Variants in D2HGDH observed in about 807,000 individuals in gnomAD.
D2HGDH encodes the protein D-2-hydroxyglutarate dehydrogenase.
Under a neutral mutation model 46.9 loss-of-function variants are expected in D2HGDH, and 31 were observed. The observed-to-expected ratio is 0.66, with a 90% CI of 0.50 to 0.89. The LOEUF (loss-of-function observed/expected upper bound fraction) is 0.89, where lower values mean the gene tolerates loss of function less well. D2HGDH is among the 40% of genes least tolerant of loss of function. The pLI, the probability that D2HGDH is intolerant of heterozygous loss-of-function variation, is 0.00. For synonymous variants in D2HGDH, 364 were observed against 332.6 expected, an observed-to-expected ratio of 1.09 and a Z score of -1.03; for missense variants, 698 against 720.8, an observed-to-expected ratio of 0.97 and a Z score of 0.36.
chr2:241,750,610 C>T (rs563206494), intron 7 of D2HGDH, among the ~76,000 whole-genome samples: 1 of 152,202 alleles, frequency 6.6e-6, no homozygotes, highest in South Asian at 2.1e-4. Flanking sequence ...TCCATTTCTT[C>T]TTTTCTTTGT....
chr2:241,764,601 G>T (rs1699116052), intron 9 of D2HGDH, among the ~76,000 whole-genome samples: 1 of 152,252 alleles, frequency 6.6e-6, no homozygotes, highest in Non-Finnish European at 1.5e-5. Flanking sequence ...GAGGGGCCTT[G>T]CCCTTGTCAG....
intron 8 of D2HGDH, chr2:241,755,335 G>A (rs950425474): frequency 1.5e-6 from 2 of 1,303,286 alleles, no homozygotes; most frequent in South Asian, 1.2e-5. Context: ...GGGCCCTGCT[G>A]TTGTCCCCAC....
At chr2:241,750,015 G>A in intron 6 of D2HGDH, 136 bp from the exon 7 acceptor site, 1 of 1,305,716 alleles carries the variant, frequency 7.7e-7, no homozygotes, top group Non-Finnish European at 1.1e-6. Flanking sequence ...TTGTTGCAGT[G>A]CCAGTCCTCG....
chr2:241,755,450 T>A, intron 8 of D2HGDH: 5 of 1,313,260 alleles, frequency 3.8e-6, no homozygotes, highest in Non-Finnish European at 5.0e-6. Context: ...CTTGCCACTC[T>A]GTGCCGTGTC....
intron 9 of D2HGDH, among the ~76,000 whole-genome samples, chr2:241,756,941 C>A (rs1406413307): frequency 6.6e-6 from 1 of 152,166 alleles, no homozygotes; most frequent in Non-Finnish European, 1.5e-5. Context: ...CAGATATTCA[C>A]TCTGGCTTCT....
intron 8 of D2HGDH, among the ~76,000 whole-genome samples, chr2:241,753,682 C>T (rs1181615925): frequency 3.3e-5 from 5 of 152,246 alleles, no homozygotes; most frequent in Admixed American, 3.3e-4. Context: ...CCACACTGGT[C>T]GCACCAGATG....
At chr2:241,750,418 G>T (rs71430381) in intron 7 of D2HGDH, 124 bp downstream of exon 7, 1 of 1,150,610 alleles carries the variant, frequency 8.7e-7, no homozygotes, top group South Asian at 1.4e-5. Context: ...GGGGGTCCCT[G>T]GGCGGAGCAT....
chr2:241,751,688 C>T lies in D2HGDH; in HGVS notation c.1140+300C>T, dbSNP rs145960842. Among the ~76,000 whole-genome samples the T allele has an allele frequency of 9.4e-3, 1,430 of 152,364 alleles. 24 individuals carry two copies. The highest frequency in any genetic ancestry group is 0.032 in the African/African-American group (1,350 of 41,588). ...TGGTCCCCTGCAGCCTGTGGTTAAGCGGCCAGTCAGCGGCAGCTCCGCATA... is the reference window on the plus strand; with the variant it reads ...TGGTCCCCTGCAGCCTGTGGTTAAGTGGCCAGTCAGCGGCAGCTCCGCATA... On this transcript the variant is annotated intron_variant, in intron 8 of 9. Transcript: ENST00000321264.
chr2:241,735,187 C>G lies in D2HGDH; in HGVS notation c.-38C>G, dbSNP rs554998453. Reference sequence around the variant, plus strand: ...CCTCCGGGCCCTGAGTACCGGCCCCCCACCAAGGAGGAGCCCGAGGTCTCC... The same window carrying G: ...CCTCCGGGCCCTGAGTACCGGCCCCGCACCAAGGAGGAGCCCGAGGTCTCC... On this transcript the variant is annotated 5_prime_UTR_variant, in exon 2 of 10. Coordinates refer to ENST00000321264, the MANE Select transcript of D2HGDH (RefSeq NM_152783.5). 18 of 1,492,454 alleles carry G rather than the reference C, an allele frequency of 1.2e-5. No individual in the cohort carries two copies. Among genetic ancestry groups the G allele is most frequent in the South Asian group, 1.1e-4 (9 of 78,738 alleles). 92.5% of individuals were successfully genotyped at this position (1,492,454 alleles called of 1,614,324 possible). A position where few individuals can be genotyped will look rare whatever the true frequency, so the allele number is the denominator to read the frequency against.
At chr2:241,762,456 A>T (rs1698916291) in intron 9 of D2HGDH, among the ~76,000 whole-genome samples, 1 of 152,086 alleles carries the variant, frequency 6.6e-6, no homozygotes, top group South Asian at 2.1e-4. Context: ...AGTCGGCCAG[A>T]TGAGTGTTTG....
At chr2:241,750,393 C>CGGGGGGGGGGGGGGGGGGGGGG in intron 7 of D2HGDH, 99 bp downstream of exon 7, 2 of 489,040 alleles carry the variant, frequency 4.1e-6, no homozygotes, top group East Asian at 7.5e-5. Context: ...CGGGGGGTGC[C>CGGGGGGGGGGGGGGGGGGGGGG]CGGGCGGGCG....
chr2:241,737,586 G>A (rs532708515), intron 2 of D2HGDH, among the ~76,000 whole-genome samples: 6 of 152,078 alleles, frequency 3.9e-5, no homozygotes, highest in African/African-American at 1.4e-4. Context: ...ACTTCCTGGG[G>A]TCAAGCGATT....
At chr2:241,749,618 C>T (rs549472737) in intron 6 of D2HGDH, 7 of 317,966 alleles carry the variant, frequency 2.2e-5, no homozygotes, top group Non-Finnish European at 1.8e-5. Flanking sequence ...GAAATGCAGC[C>T]ATTCCCAAAG....
In D2HGDH at chr2:241,750,291, C is replaced by G. The variant is rs143405918; in HGVS notation, c.994C>G (p.Gln332Glu). The G allele has an allele frequency of 6.2e-7, 1 of 1,609,256 alleles. No homozygotes were observed. The highest frequency in any genetic ancestry group is 1.3e-5 in the African/African-American group (1 of 74,718). ...GRHLHLASPV[Q>E]ESPFYVLIET... ...CCATCTCCACCTGGCCAGCCCGGTG[C>G]AAGGTACTGACCCCCCACACAGGGG... The change falls in exon 7 of 10, where the codon CAA becomes GAA. Residue 332 changes from glutamine to glutamate, a missense_variant. Coordinates refer to ENST00000321264, the MANE Select transcript of D2HGDH (RefSeq NM_152783.5).
intron 6 of D2HGDH, chr2:241,749,859 C>T (rs1696822906): frequency 2.1e-6 from 1 of 468,210 alleles, no homozygotes; most frequent in Admixed American, 3.1e-5. Context: ...TGCCCTGCCC[C>T]TCCTGATCTG....
In D2HGDH at chr2:241,750,162, T is replaced by G; in HGVS notation, c.865T>G (p.Phe289Val). Residue 289 changes from phenylalanine (F) to valine (V), a missense_variant, in exon 7 of 10, where the codon TTT becomes GTT. Transcript: ENST00000321264. Reference sequence around the variant, plus strand: ...GTGACCCGTTTCAGGCTGCCCAGGCTTTGCTGAGGTTCTGCAGACCTTCAG... The same window carrying G: ...GTGACCCGTTTCAGGCTGCCCAGGCGTTGCTGAGGTTCTGCAGACCTTCAG... ...VNVAFLGCPG[F>V]AEVLQTFSTC... The G allele has an allele frequency of 6.2e-7, 1 of 1,614,040 alleles. No individual in the cohort carries two copies. Among genetic ancestry groups the G allele is most frequent in the Non-Finnish European group, 8.5e-7 (1 of 1,180,004 alleles).
At chr2:241,748,559 C>G (rs1346616176) in intron 6 of D2HGDH, among the ~76,000 whole-genome samples, 1 of 152,250 alleles carries the variant, frequency 6.6e-6, no homozygotes, top group Non-Finnish European at 1.5e-5. Flanking sequence ...TTGCCCGCTT[C>G]ACTGGTGCCC....
chr2:241,739,260 G>T (rs1175491424), intron 2 of D2HGDH, among the ~76,000 whole-genome samples: 2 of 152,182 alleles, frequency 1.3e-5, no homozygotes, highest in African/African-American at 4.8e-5. Context: ...CTGCATTCTT[G>T]GGGGGTACTC....
intron 9 of D2HGDH, among the ~76,000 whole-genome samples, chr2:241,763,044 G>A (rs1698969249): frequency 6.6e-6 from 1 of 152,198 alleles, no homozygotes; most frequent in African/African-American, 2.4e-5. Flanking sequence ...TGGGTGGGGA[G>A]GGTGAGGGCC....
Sources: allele counts gnomAD v4.1 joint callset (sites outside exome capture counted in the v4.1 genomes callset), GRCh38; gene constraint gnomAD v4.1.1; transcripts MANE v1.5; gene names NCBI Gene and HGNC (gene_info 2026-07-23, HGNC 2026-07-21).